Variants in OTOGL observed in about 807,000 individuals in gnomAD.
The protein encoded by OTOGL is otogelin like.
In OTOGL, 285 loss-of-function variants were observed where a neutral mutation model predicts 318.5. The observed-to-expected ratio is 0.89, with a 90% CI of 0.81 to 0.99. The LOEUF is 0.99. Ranked by LOEUF, OTOGL falls within the 50% of genes least tolerant of loss-of-function variation. The pLI, the probability that OTOGL is intolerant of heterozygous loss-of-function variation, is 0.00. For synonymous variants in OTOGL, 987 were observed against 936.5 expected (o/e 1.05, Z -0.99); for missense variants, 2,899 against 2,845.6 (o/e 1.02, Z -0.43).
chr12:80,339,107 C>T lies in OTOGL; in HGVS notation c.4893C>T (p.Pro1631=), dbSNP rs775406936. The T allele has an allele frequency of 6.2e-7, 1 of 1,610,754 alleles. No homozygotes were observed. Among genetic ancestry groups the T allele is most frequent in the Admixed American group, 1.7e-5 (1 of 59,834 alleles). The stretch of plus-strand genomic sequence containing the variant: ...TGGATTCCATTGTTGTGCCTTTGCC[C>T]TTTTCAAGTCAGGAACTGTCCATAG... ...VEVDSIVVPL[P]FSSQELSIED... The change falls in exon 43 of 59, where the codon CCC becomes CCT. Residue 1631 remains proline, a synonymous_variant. Transcript: ENST00000547103.
At chr12:80,366,778 T>C in intron 53 of OTOGL, 141 bp downstream of exon 53, 1 of 267,014 alleles carries the variant, frequency 3.7e-6, no homozygotes, top group Non-Finnish European at 6.9e-6. Flanking sequence ...AAAAATGTGT[T>C]ATTATGTTTC....
intron 26 of OTOGL, among the ~76,000 whole-genome samples, chr12:80,288,961 A>C (rs960229517): frequency 6.6e-6 from 1 of 152,072 alleles, no homozygotes; most frequent in Admixed American, 6.6e-5. Flanking sequence ...AGCTGTGATC[A>C]TTTGGAGGAG....
intron 44 of OTOGL, among the ~76,000 whole-genome samples, chr12:80,345,938 C>T (rs1351212471): frequency 1.3e-5 from 2 of 152,090 alleles, no homozygotes; most frequent in Admixed American, 6.5e-5. Context: ...ACAGTCCATA[C>T]AATAGTGGAA....
In OTOGL at chr12:80,379,227, G is replaced by A. The variant is rs1305373300; in HGVS notation, c.*1179G>A. On this transcript the variant is annotated 3_prime_UTR_variant, in exon 59 of 59. Coordinates refer to ENST00000547103, the MANE Select transcript of OTOGL (RefSeq NM_001378609.3). Reference sequence around the variant, plus strand: ...TCTGAATTTTCTCCTCAGTATAAAGGAGTGAATGCCCTACTTAGTGTAATT... The same window carrying A: ...TCTGAATTTTCTCCTCAGTATAAAGAAGTGAATGCCCTACTTAGTGTAATT... 6.6e-6 allele frequency: 1 copy of A among 151,928 alleles called. No individual in the cohort carries two copies. Among genetic ancestry groups the A allele is most frequent in the Admixed American group, 6.6e-5 (1 of 15,226 alleles). 9.4% of individuals were successfully genotyped at this position (151,928 alleles called of 1,614,324 possible). A position where few individuals can be genotyped will look rare whatever the true frequency, so the allele number is the denominator to read the frequency against.
At chr12:80,374,039 T>C (rs971533690) in intron 57 of OTOGL, among the ~76,000 whole-genome samples, 3 of 152,126 alleles carry the variant, frequency 2.0e-5, no homozygotes, top group African/African-American at 7.2e-5. Flanking sequence ...GCCTGACATC[T>C]AATTTGTTAT....
In OTOGL at chr12:80,318,687, C is replaced by CA. The variant is rs753356234; in HGVS notation, c.3777dup (p.Gly1260ArgfsTer19). 1.5e-6 allele frequency: 2 copies of CA among 1,331,380 alleles called. No individual in the cohort carries two copies. The highest frequency in any genetic ancestry group is 3.1e-5 in the African/African-American group (2 of 65,492). The allele number at this position is 1,331,380 out of a possible 1,614,324, so 82.5% of individuals were successfully genotyped here. ...TTATTTTTTTATTTTATGATCACTC[C>CA]AGGCCTTTTCAAAGAGAAGGTATCA... is the stretch of plus-strand genomic sequence containing the variant. On this transcript the variant is annotated frameshift_variant, in exon 33 of 59. Transcript: ENST00000547103. LOFTEE classifies it high-confidence loss of function.
chr12:80,319,529 G>T (rs562893150), intron 33 of OTOGL, among the ~76,000 whole-genome samples: 2 of 152,098 alleles, frequency 1.3e-5, no homozygotes, highest in African/African-American at 2.4e-5. Context: ...TCTAAATTAC[G>T]CTGGTTACAT....
chr12:80,172,474 G>T (rs1286461540), intron 1 of OTOGL, among the ~76,000 whole-genome samples: 2 of 152,078 alleles, frequency 1.3e-5, no homozygotes, highest in East Asian at 3.9e-4. Flanking sequence ...GTGCGTCATT[G>T]GTCTTCTCAT....
chr12:80,109,288 G>C (rs1459687711), intron 1 of OTOGL, among the ~76,000 whole-genome samples: 1 of 152,076 alleles, frequency 6.6e-6, no homozygotes, highest in African/African-American at 2.4e-5. Flanking sequence ...ATATGAGTTT[G>C]TATTGACATG....
chr12:80,197,057 G>T (rs1876121866), intron 1 of OTOGL, among the ~76,000 whole-genome samples: 1 of 152,034 alleles, frequency 6.6e-6, no homozygotes, highest in South Asian at 2.1e-4. Context: ...TACAACTTTG[G>T]TGTCCACAAC....
intron 1 of OTOGL, among the ~76,000 whole-genome samples, chr12:80,193,411 G>C (rs2137266960): frequency 6.6e-6 from 1 of 152,152 alleles, no homozygotes; most frequent in South Asian, 2.1e-4. Context: ...AGTTACTCGG[G>C]AGGCTGAGGC....
intron 55 of OTOGL, among the ~76,000 whole-genome samples, chr12:80,369,341 C>CT (rs1436425669): frequency 6.6e-6 from 1 of 151,982 alleles, no homozygotes. Flanking sequence ...GCTGAAAATC[C>CT]TTTAAGATTA....
intron 31 of OTOGL, among the ~76,000 whole-genome samples, chr12:80,313,966 T>A (rs572181492): frequency 7.2e-4 from 109 of 152,216 alleles, no homozygotes; most frequent in African/African-American, 2.2e-3. Context: ...AAATATATTT[T>A]AAAAAAATCA....
intron 4 of OTOGL, among the ~76,000 whole-genome samples, chr12:80,213,741 T>C (rs1442918934): frequency 6.6e-6 from 1 of 152,212 alleles, no homozygotes; most frequent in Non-Finnish European, 1.5e-5. Flanking sequence ...TACTACTTCC[T>C]AAGGCTAGAA....
At chr12:80,342,468 A>G (rs1050958049) in intron 44 of OTOGL, among the ~76,000 whole-genome samples, 3 of 152,228 alleles carry the variant, frequency 2.0e-5, no homozygotes, top group Non-Finnish European at 1.5e-5. Context: ...ATAACCCAGT[A>G]TTAAGACCAA....
chr12:80,364,590 C>G (rs1890418933), intron 52 of OTOGL, among the ~76,000 whole-genome samples: 1 of 152,040 alleles, frequency 6.6e-6, no homozygotes, highest in Admixed American at 6.6e-5. Context: ...ACTCTCCAGC[C>G]CTCAGAAATC....
At chr12:80,249,256 TC>T (rs1230904063) in intron 11 of OTOGL, among the ~76,000 whole-genome samples, 1 of 151,050 alleles carries the variant, frequency 6.6e-6, no homozygotes, top group Admixed American at 6.5e-5. Context: ...TTTTAGAGTT[TC>T]CAGTTTTTCT....
intron 10 of OTOGL, 45 bp from the exon 11 acceptor site, chr12:80,239,288 A>G (rs771819082): frequency 5.1e-6 from 7 of 1,377,070 alleles, no homozygotes. Flanking sequence ...GACTATACAC[A>G]TACCATGAAA....
At chr12:80,137,957 TA>T (rs912776682) in intron 1 of OTOGL, among the ~76,000 whole-genome samples, 1 of 152,262 alleles carries the variant, frequency 6.6e-6, no homozygotes, top group Non-Finnish European at 1.5e-5. Context: ...ATAGAGGAGC[TA>T]AAAAAATAGA....
Sources: allele counts gnomAD v4.1 joint callset (sites outside exome capture counted in the v4.1 genomes callset), GRCh38; gene constraint gnomAD v4.1.1; transcripts MANE v1.5; gene names NCBI Gene and HGNC (gene_info 2026-07-23, HGNC 2026-07-21).